The following SH3D21 variants were observed in gnomAD, a reference collection of about 807,000 sequenced individuals.
SH3D21 encodes manchette microtubule inner protein 1.
A neutral mutation model predicts 82.1 loss-of-function variants in SH3D21; 83 were observed. The observed-to-expected ratio is 1.01, with a 90% CI of 0.85 to 1.21. SH3D21 has a LOEUF of 1.21. SH3D21 is among the 50% of genes most tolerant of loss of function. The pLI, the probability that SH3D21 is intolerant of heterozygous loss-of-function variation, is 0.00. For synonymous variants in SH3D21, 383 were observed against 387.8 expected (o/e 0.99, Z 0.15); for missense variants, 980 against 962.1 (o/e 1.02, Z -0.25).
intron 10 of SH3D21, among the ~76,000 whole-genome samples, chr1:36,318,582 G>A (rs1006014116): frequency 6.6e-6 from 1 of 151,550 alleles, no homozygotes; most frequent in Non-Finnish European, 1.5e-5. Flanking sequence ...AGACCAGCCT[G>A]GCCAACATGG....
At chr1:36,317,211 C>A (rs1646360182) in intron 10 of SH3D21, among the ~76,000 whole-genome samples, 1 of 152,186 alleles carries the variant, frequency 6.6e-6, no homozygotes, top group Admixed American at 6.5e-5. Flanking sequence ...TCACAACCAC[C>A]CTACAAGGTG....
chr1:36,325,579 C>G (rs12750262), downstream of SH3D21, among the ~76,000 whole-genome samples: 46,562 of 151,874 alleles, frequency 0.31, 7,920 homozygotes, highest in East Asian at 0.67. Context: ...GAGTCTCGCT[C>G]TGTCACCCAG....
downstream of SH3D21, chr1:36,323,627 G>A (rs970616429): frequency 2.0e-5 from 3 of 152,058 alleles, no homozygotes; most frequent in Admixed American, 6.5e-5. Flanking sequence ...CCGGCGGAAA[G>A]TTTCCTCCGA....
At chr1:36,323,296 G>GGTGA (rs1646499905), downstream of SH3D21, among the ~76,000 whole-genome samples, 1 of 152,148 alleles carries the variant, frequency 6.6e-6, no homozygotes, top group Admixed American at 6.5e-5. Flanking sequence ...CCCGCCCCCT[G>GGTGA]GTGAGGTCCC....
downstream of SH3D21, chr1:36,327,639 A>T (rs1254146165): frequency 4.2e-6 from 5 of 1,187,750 alleles, no homozygotes; most frequent in Non-Finnish European, 4.3e-6. Context: ...GCCCTAGTGG[A>T]GCAGGATGAG....
At chr1:36,316,766 T>C (rs1461283469) in intron 10 of SH3D21, among the ~76,000 whole-genome samples, 104 of 124,382 alleles carry the variant, frequency 8.4e-4, no homozygotes, top group Middle Eastern at 6.2e-3. Flanking sequence ...TCTCTCTCTT[T>C]TTTTTTTTTT....
intron 12 of SH3D21, 41 bp downstream of exon 12, chr1:36,319,353 C>T (rs1441358685): frequency 6.4e-7 from 1 of 1,550,818 alleles, no homozygotes; most frequent in South Asian, 1.2e-5. Context: ...GACTGGAGGA[C>T]AGGGATGGGG....
chr1:36,320,793 G>C lies in SH3D21; in HGVS notation c.2130G>C (p.Gln710His), dbSNP rs761375718. ...LRRALELMEV[Q>H]LERKLTDIWE... is the part of the protein sequence containing the mutation. Reference sequence around the variant, plus strand: ...GGGCGCTGGAGCTGATGGAGGTGCAGCTGGAGTGAGTGGGCAGTGGCGGGG... The same window carrying C: ...GGGCGCTGGAGCTGATGGAGGTGCACCTGGAGTGAGTGGGCAGTGGCGGGG... The change falls in exon 14 of 16, where the codon CAG (glutamine) becomes CAC (histidine). Residue 710 changes from glutamine (Q) to histidine (H), a missense_variant. By Grantham distance (24) the Gln-to-His change is conservative. Transcript: ENST00000453908. The C allele has an allele frequency of 1.3e-5, 21 of 1,566,388 alleles. No individual in the cohort carries two copies. In the Middle Eastern group the frequency reaches 1.2e-3, roughly 87 times the overall value.
In SH3D21 at chr1:36,321,029, C is replaced by CA; in HGVS notation, c.2200-24dup. On this transcript the variant is annotated intron_variant, in intron 15 of 15. Coordinates refer to ENST00000453908, the MANE Select transcript of SH3D21 (RefSeq NM_001162530.2). The surrounding 1 kb of genome is among the most constrained non-coding windows in gnomAD (Gnocchi z 6.1). ...GGGCTGACGGCGAGTGGCCCCCTGA[C>CA]AAAGTCTCCACCTCACTCCCGACCA... The CA allele has an allele frequency of 6.2e-7, 1 of 1,602,110 alleles. No individual in the cohort carries two copies. The highest frequency in any genetic ancestry group is 8.5e-7 in the Non-Finnish European group (1 of 1,174,784).
downstream of SH3D21, chr1:36,321,390 G>T (rs1226243009): frequency 5.2e-6 from 7 of 1,348,466 alleles, no homozygotes; most frequent in Non-Finnish European, 1.9e-6. This position sits in a 1 kb window ranked among gnomAD's most constrained non-coding sequence, Gnocchi z 6.1. Context: ...GGATGGTGAG[G>T]GGCGGGGGAG....
chr1:36,317,085 C>A (rs954190622), intron 10 of SH3D21, among the ~76,000 whole-genome samples: 3 of 152,152 alleles, frequency 2.0e-5, no homozygotes, highest in Admixed American at 6.5e-5. Context: ...CTACAGAGCA[C>A]CTAATCAGCC....
Position 36,307,046 on chromosome 1 carries a change from G to T in SH3D21, c.227-121G>T, listed in dbSNP as rs1459201874. 14 of 1,472,282 alleles carry T rather than the reference G, an allele frequency of 9.5e-6. No individual in the cohort carries two copies. The highest frequency in any genetic ancestry group is 1.2e-5 in the Non-Finnish European group (13 of 1,107,978). 91.2% of individuals were successfully genotyped at this position (1,472,282 alleles called of 1,614,324 possible). A position where few individuals can be genotyped will look rare whatever the true frequency, so the allele number is the denominator to read the frequency against. On this transcript the variant is annotated intron_variant, in intron 3 of 15. Transcript: ENST00000453908. This position sits in a 1 kb window ranked among gnomAD's most constrained non-coding sequence, Gnocchi z 5.4. ...TGCGGTCTGTGATTGGTTCTCGAGT[G>T]CAATGCTCCGCCCTGGGGCGGGGCT...
Position 36,308,481 on chromosome 1 carries a change from T to C in SH3D21, c.726+6T>C. On this transcript the variant is annotated splice_donor_region_variant and intron_variant, in intron 9 of 15. Transcript: ENST00000453908. ...TTGTACTCCCACCACCCCCAGTGAG[T>C]ACAGAGCCAAGACACTCAGGTGGCA... 6.4e-7 allele frequency: 1 copy of C among 1,551,042 alleles called. No individual in the cohort carries two copies. The highest frequency in any genetic ancestry group is 8.7e-7 in the Non-Finnish European group (1 of 1,146,738).
chr1:36,326,073 A>G (rs1307807256), downstream of SH3D21, among the ~76,000 whole-genome samples: 4 of 152,126 alleles, frequency 2.6e-5, no homozygotes, highest in Non-Finnish European at 4.4e-5. Flanking sequence ...CTGTGCCAGG[A>G]TCTGGGGAGA....
At chr1:36,314,952 T>TGAG (rs1429084491) in intron 10 of SH3D21, among the ~76,000 whole-genome samples, 1 of 152,118 alleles carries the variant, frequency 6.6e-6, no homozygotes, top group Non-Finnish European at 1.5e-5. Context: ...TGGACCAAGC[T>TGAG]GAGGGGCCTG....
rs1557485106 is a variant in SH3D21 at position 36,320,173 on chromosome 1, C to T, written c.1510C>T (p.His504Tyr). 6.2e-7 allele frequency: 1 copy of T among 1,613,670 alleles called. No individual in the cohort carries two copies. The highest frequency in any genetic ancestry group is 1.7e-5 in the Admixed American group (1 of 60,028). The stretch of plus-strand genomic sequence containing the variant: ...GTCCACCAGAGATGACATTCAATTC[C>T]ATCACTTCTCTTCGGAGGAAGCCCT... ...EVSTRDDIQF[H>Y]HFSSEEALQK... Residue 504 changes from histidine to tyrosine, a missense_variant, in exon 14 of 16, where the codon CAT (histidine) becomes TAT (tyrosine). By Grantham distance (83) the His-to-Tyr change is moderately conservative. Transcript: ENST00000453908.
Position 36,307,430 on chromosome 1 carries a change from G to A in SH3D21, c.346-87G>A. The A allele has an allele frequency of 1.3e-6, 2 of 1,511,258 alleles. No individual in the cohort carries two copies. Among genetic ancestry groups the A allele is most frequent in the Non-Finnish European group, 1.8e-6 (2 of 1,116,512 alleles). 93.6% of individuals were successfully genotyped at this position (1,511,258 alleles called of 1,614,324 possible). On this transcript the variant is annotated intron_variant, in intron 4 of 15. Transcript: ENST00000453908. The surrounding 1 kb of genome is among the most constrained non-coding windows in gnomAD (Gnocchi z 5.4). Reference sequence around the variant, plus strand: ...CGCGGGAGGGAAGGAGGGAGGAAGGGGCGCTTGGGCAGAACCAAGGGTGGC... The same window carrying A: ...CGCGGGAGGGAAGGAGGGAGGAAGGAGCGCTTGGGCAGAACCAAGGGTGGC...
downstream of SH3D21, chr1:36,322,341 G>C: frequency 6.3e-7 from 1 of 1,576,956 alleles, no homozygotes; most frequent in Non-Finnish European, 8.5e-7. Flanking sequence ...CGTGGGGCTG[G>C]GCCCCAGCGT....
At chr1:36,313,026 T>C (rs1052946698) in intron 10 of SH3D21, among the ~76,000 whole-genome samples, 1 of 151,986 alleles carries the variant, frequency 6.6e-6, no homozygotes. Context: ...TGGTGGATCT[T>C]ATATAAGATG....
Sources: gnomAD v4.1 joint callset for allele counts (sites outside exome capture counted in the v4.1 genomes callset) on GRCh38, gnomAD v4.1.1 for gene constraint, Gnocchi (gnomAD v3.1) non-coding constraint, MANE v1.5 for transcripts, NCBI Gene and HGNC (gene_info 2026-07-23, HGNC 2026-07-21) for gene names.